UPRT: variants seen among roughly 807,000 people sequenced by gnomAD.
UPRT encodes RP11-311P8.3.
UPRT carries 5 observed loss-of-function variants against 22.6 expected under a neutral mutation model. That is an observed-to-expected ratio of 0.22 (90% CI 0.12 to 0.47). The LOEUF (loss-of-function observed/expected upper bound fraction) is 0.47. Ranked by LOEUF, UPRT falls within the 20% of genes least tolerant of loss-of-function variation. The pLI, the probability that UPRT is intolerant of heterozygous loss-of-function variation, is 0.99. For synonymous variants in UPRT, 77 were observed against 87.7 expected, an observed-to-expected ratio of 0.88 and a Z score of 0.68; for missense variants, 181 against 239.9, an observed-to-expected ratio of 0.75 and a Z score of 1.62.
chrX:75,173,991 C>G (rs996898869), intron 4 of UPRT, among the ~76,000 whole-genome samples: 2 of 111,286 alleles, frequency 1.8e-5, no homozygotes, highest in Non-Finnish European at 3.8e-5. Context: ...CTCCACACCT[C>G]CCTGCAAGCT....
At chrX:75,251,851 T>C (rs2082531395) in intron 4 of UPRT, among the ~76,000 whole-genome samples, 1 of 111,074 alleles carries the variant, frequency 9.0e-6, no homozygotes, top group African/African-American at 3.3e-5. Context: ...ATGGTACTGG[T>C]ACCAAAACAG....
intron 4 of UPRT, among the ~76,000 whole-genome samples, chrX:75,183,600 C>T (rs1159565718): frequency 2.7e-5 from 3 of 111,675 alleles, no homozygotes; most frequent in Non-Finnish European, 5.6e-5. Context: ...ATCGCCACAC[C>T]GACTTCCAAA....
chrX:75,278,342 G>A (rs1434865182), intron 1 of UPRT, among the ~76,000 whole-genome samples: 3 of 112,019 alleles, frequency 2.7e-5, no homozygotes, highest in Non-Finnish European at 5.6e-5. Flanking sequence ...ATAATATGTT[G>A]GTTGTATTAT....
At chrX:75,191,471 C>T (rs1426464207) in intron 4 of UPRT, among the ~76,000 whole-genome samples, 3 of 36,485 alleles carry the variant, frequency 8.2e-5, no homozygotes, top group Non-Finnish European at 6.8e-5. Context: ...ATCTCAAACT[C>T]TGTTACTCTC....
intron 4 of UPRT, among the ~76,000 whole-genome samples, chrX:75,237,059 G>T (rs911556665): frequency 9.0e-6 from 1 of 111,649 alleles, no homozygotes; most frequent in African/African-American, 3.3e-5. Flanking sequence ...TCTGACAAAG[G>T]GCTAATATTC....
intron 4 of UPRT, among the ~76,000 whole-genome samples, chrX:75,182,958 T>C (rs1006687471): frequency 1.8e-5 from 2 of 111,288 alleles, no homozygotes; most frequent in Non-Finnish European, 3.8e-5. Context: ...TTGAGATCTT[T>C]CTAAATTTTT....
At chrX:75,240,395 G>T (rs768024808) in intron 4 of UPRT, among the ~76,000 whole-genome samples, 2 of 111,411 alleles carry the variant, frequency 1.8e-5, no homozygotes, top group Admixed American at 1.9e-4. Context: ...CCTAACCAAA[G>T]AGGTAAAATA....
intron 2 of UPRT, among the ~76,000 whole-genome samples, chrX:75,162,771 C>T (rs1306389218): frequency 9.0e-6 from 1 of 111,158 alleles, no homozygotes; most frequent in Non-Finnish European, 1.9e-5. Flanking sequence ...TTTTAAAGAT[C>T]TATTGTTACC....
At position 75,267,816 on chromosome X, in the gene UPRT, C is replaced by A. The variant is rs186191136; in HGVS notation, c.-446-23208C>A. ...GCCCACAAGAGAAAGCAGGAAAGAT[C>A]CAAAATCAACATGCTAACATCACAA... is the stretch of plus-strand genomic sequence containing the variant. On this transcript the variant is annotated intron_variant, in intron 4 of 13. Coordinates refer to the UPRT transcript ENST00000652605. Among the ~76,000 whole-genome samples, 563 of 111,097 alleles carry A rather than the reference C, an allele frequency of 5.1e-3. 4 individuals carry two copies. Among genetic ancestry groups the A allele is most frequent in the African/African-American group, 0.018 (542 of 30,563 alleles).
chrX:75,187,854 G>T (rs1217285264), intron 4 of UPRT, among the ~76,000 whole-genome samples: 1 of 112,146 alleles, frequency 8.9e-6, no homozygotes, highest in Non-Finnish European at 1.9e-5. Context: ...TAGTTGTCCA[G>T]CCTTGGTTTT....
chrX:75,228,919 ACT>A (rs2082430305), intron 4 of UPRT, among the ~76,000 whole-genome samples: 1 of 112,213 alleles, frequency 8.9e-6, no homozygotes, highest in South Asian at 3.7e-4. Context: ...GAAAAAAGAT[ACT>A]GTGTCATATC....
At chrX:75,184,740 C>T (rs1197090142) in intron 4 of UPRT, among the ~76,000 whole-genome samples, 1 of 110,015 alleles carries the variant, frequency 9.1e-6, no homozygotes, top group Non-Finnish European at 1.9e-5. Context: ...AGGTCCTTCA[C>T]ATCCCTTGTA....
chrX:75,302,426 G>A (rs1324562151), intron 6 of UPRT, among the ~76,000 whole-genome samples: 1 of 110,533 alleles, frequency 9.0e-6, no homozygotes, highest in Non-Finnish European at 1.9e-5. Flanking sequence ...TTATTCTGTG[G>A]CAACTTTGCT....
chrX:75,228,768 G>T (rs146845820), intron 4 of UPRT, among the ~76,000 whole-genome samples: 3,554 of 111,386 alleles, frequency 0.032, 147 homozygotes, highest in African/African-American at 0.11. Context: ...ATACCTTTTA[G>T]ACATTGTACT....
At chrX:75,216,156 T>C (rs1177507369) in intron 4 of UPRT, among the ~76,000 whole-genome samples, 1 of 111,564 alleles carries the variant, frequency 9.0e-6, no homozygotes, top group Non-Finnish European at 1.9e-5. Flanking sequence ...TACAGAAAAA[T>C]AATTATATGC....
intron 4 of UPRT, among the ~76,000 whole-genome samples, chrX:75,203,298 A>G (rs984627168): frequency 2.7e-5 from 3 of 111,281 alleles, no homozygotes; most frequent in African/African-American, 9.8e-5. Flanking sequence ...TTCATAAAAC[A>G]AGTTCTTAGA....
intron 4 of UPRT, among the ~76,000 whole-genome samples, chrX:75,182,695 TTC>T (rs1158113696): frequency 8.9e-6 from 1 of 111,848 alleles, no homozygotes; most frequent in Non-Finnish European, 1.9e-5. Flanking sequence ...TCAGATAATG[TTC>T]TCTTTTTCAT....
chrX:75,183,592 C>T lies in UPRT; in HGVS notation c.-447+15713C>T, dbSNP rs777998945. On this transcript the variant is annotated intron_variant, in intron 4 of 13. Coordinates refer to the UPRT transcript ENST00000652605. ...TTCTAGTTCTAGATCCTTGAGGAAT[C>T]GCCACACCGACTTCCAAAATGATTG... 8.9e-5 allele frequency among the ~76,000 whole-genome samples: 10 copies of T among 111,779 alleles called. No homozygotes were observed. In the East Asian group the frequency reaches 1.4e-3, roughly 16 times the overall value.
chrX:75,242,658 G>A (rs769859754), intron 4 of UPRT, among the ~76,000 whole-genome samples: 13 of 110,502 alleles, frequency 1.2e-4, no homozygotes, highest in Non-Finnish European at 2.5e-4. Flanking sequence ...GTAAAATCGA[G>A]ATAACAATAG....
Sources: gnomAD v4.1 joint callset for allele counts (sites outside exome capture counted in the v4.1 genomes callset) on GRCh38, gnomAD v4.1.1 for gene constraint, MANE v1.5 for transcripts, NCBI Gene and HGNC (gene_info 2026-07-23, HGNC 2026-07-21) for gene names.